The following DCUN1D1 variants were observed in gnomAD, a reference collection of about 807,000 sequenced individuals.
DCUN1D1 encodes the protein defective in cullin neddylation 1 domain containing 1.
DCUN1D1 carries 3 observed loss-of-function variants against 39.0 expected under a neutral mutation model. The ratio of observed to expected loss-of-function variants is 0.08; its 90% CI spans 0.04 to 0.20. The LOEUF (loss-of-function observed/expected upper bound fraction) is 0.20. Among genes scored for constraint, DCUN1D1 ranks in the 10% least tolerant of loss-of-function variants. DCUN1D1 has a pLI of 1.00. For missense variants in DCUN1D1, 158 were observed against 302.4 expected, an observed-to-expected ratio of 0.52 and a Z score of 3.54; for synonymous variants, 82 against 96.3, an observed-to-expected ratio of 0.85 and a Z score of 0.87.
At position 182,939,264 on chromosome 3, in the gene DCUN1D1, A is replaced by G. The variant is rs754652635; in HGVS notation, c.*5830T>C. On this transcript the variant is annotated 3_prime_UTR_variant, in exon 7 of 7. Transcript: ENST00000292782. ...AGTCCGCATGCACTGTGGCAGGAAT[A>G]GTTCTAGAAGTACAGCCACTTTGGA... 1.3e-5 allele frequency: 2 copies of G among 152,254 alleles called. No homozygotes were observed. Among genetic ancestry groups the G allele is most frequent in the Admixed American group, 1.3e-4 (2 of 15,282 alleles). The allele number at this position is 152,254 out of a possible 1,614,324, so 9.4% of individuals were successfully genotyped here.
intron 1 of DCUN1D1, among the ~76,000 whole-genome samples, chr3:182,973,419 A>G (rs982688330): frequency 1.3e-5 from 2 of 152,352 alleles, no homozygotes; most frequent in African/African-American, 4.8e-5. Context: ...AATCACAGAC[A>G]AGAGGGTATT....
intron 2 of DCUN1D1, among the ~76,000 whole-genome samples, chr3:182,964,777 A>T (rs1381740540): frequency 2.0e-5 from 3 of 151,036 alleles, no homozygotes; most frequent in Admixed American, 6.6e-5. Flanking sequence ...AGTAGCGGGG[A>T]CTACAGGCAC....
intron 4 of DCUN1D1, chr3:182,951,137 T>G (rs1726710219): frequency 6.6e-6 from 1 of 152,126 alleles, no homozygotes; most frequent in Non-Finnish European, 1.5e-5. Flanking sequence ...GTTCTTTTCT[T>G]TACCAACTCA....
chr3:182,959,937 C>T (rs1462051570), intron 4 of DCUN1D1, among the ~76,000 whole-genome samples: 1 of 152,144 alleles, frequency 6.6e-6, no homozygotes, highest in African/African-American at 2.4e-5. Flanking sequence ...GCTTCCCCTC[C>T]TGTTTGGTCT....
rs1451212434 is a variant in DCUN1D1 at position 182,938,570 on chromosome 3, A to C, written c.*6524T>G. 1 of 152,200 alleles carries C rather than the reference A, an allele frequency of 6.6e-6. No individual in the cohort carries two copies. The highest frequency in any genetic ancestry group is 6.5e-5 in the Admixed American group (1 of 15,272). The allele number at this position is 152,200 out of a possible 1,614,324, so 9.4% of individuals were successfully genotyped here. A position where few individuals can be genotyped will look rare whatever the true frequency, so the allele number is the denominator to read the frequency against. ...GGGTTCAAAGATGAATGGCATTTAG[A>C]TAAATCAAGATTGGCCATGGATTGA... On this transcript the variant is annotated 3_prime_UTR_variant, in exon 7 of 7. Transcript: ENST00000292782.
At chr3:182,952,331 C>T (rs990000669) in intron 4 of DCUN1D1, among the ~76,000 whole-genome samples, 4 of 152,166 alleles carry the variant, frequency 2.6e-5, no homozygotes, top group Non-Finnish European at 5.9e-5. Flanking sequence ...TTTGTAACAA[C>T]GTGTGTCAAC....
At chr3:182,980,682 C>G, upstream of DCUN1D1, 1 of 636,206 alleles carries the variant, frequency 1.6e-6, no homozygotes, top group Non-Finnish European at 2.0e-6. Context: ...GGGCGCCCCG[C>G]GCGGGGCTTC....
chr3:182,961,033 T>C (rs1052988562), intron 4 of DCUN1D1, among the ~76,000 whole-genome samples, 193 bp downstream of exon 4: 2 of 152,320 alleles, frequency 1.3e-5, no homozygotes, highest in Admixed American at 6.5e-5. Context: ...GGTTCACATA[T>C]AGTACCCAGG....
chr3:182,958,569 G>A (rs944501347), intron 4 of DCUN1D1, among the ~76,000 whole-genome samples: 12 of 152,074 alleles, frequency 7.9e-5, no homozygotes, highest in Non-Finnish European at 1.3e-4. Flanking sequence ...GAATCTTTTT[G>A]AAGGGTGCAG....
At chr3:182,983,378 A>G (rs765189796), upstream of DCUN1D1, among the ~76,000 whole-genome samples, 1 of 152,160 alleles carries the variant, frequency 6.6e-6, no homozygotes, top group Non-Finnish European at 1.5e-5. Flanking sequence ...CCATCCTACA[A>G]AGGGGAAAAT....
chr3:182,947,737 A>C, intron 4 of DCUN1D1, 105 bp from the exon 5 acceptor site: 1 of 680,622 alleles, frequency 1.5e-6, no homozygotes, highest in African/African-American at 1.9e-5. Flanking sequence ...AAGTCTAAAA[A>C]TAAAAAACTT....
intron 4 of DCUN1D1, among the ~76,000 whole-genome samples, chr3:182,949,206 C>CA (rs1726577549): frequency 1.3e-5 from 2 of 151,524 alleles, no homozygotes; most frequent in Admixed American, 6.6e-5. Context: ...ACTAAAAATA[C>CA]AAAAAAATTA....
intron 1 of DCUN1D1, among the ~76,000 whole-genome samples, chr3:182,977,146 T>G (rs1182439283): frequency 1.3e-5 from 2 of 152,222 alleles, no homozygotes; most frequent in Non-Finnish European, 2.9e-5. Flanking sequence ...GGATTTCATA[T>G]GAGTTAACAG....
Position 182,980,474 on chromosome 3 carries a change from C to G in DCUN1D1, c.3+13G>C, listed in dbSNP as rs764482198. Reference sequence around the variant, plus strand: ...CCAGCCGGCAGGGCGGGCGGGCGGCCGCAGTGCCTCACCATGTTGGTGTCC... The same window carrying G: ...CCAGCCGGCAGGGCGGGCGGGCGGCGGCAGTGCCTCACCATGTTGGTGTCC... On this transcript the variant is annotated intron_variant, in intron 1 of 6. Coordinates refer to ENST00000292782, the MANE Select transcript of DCUN1D1 (RefSeq NM_020640.4). 8.4e-7 allele frequency: 1 copy of G among 1,194,672 alleles called. No homozygotes were observed. Among genetic ancestry groups the G allele is most frequent in the Admixed American group, 3.0e-5 (1 of 32,850 alleles). The allele number at this position is 1,194,672 out of a possible 1,614,324, so 74.0% of individuals were successfully genotyped here.
intron 4 of DCUN1D1, among the ~76,000 whole-genome samples, chr3:182,957,898 A>G (rs1727161364): frequency 1.5e-5 from 2 of 135,718 alleles, no homozygotes; most frequent in South Asian, 4.8e-4. Context: ...CGATTGCACC[A>G]CTGCATTCCA....
rs79572438 is a variant in DCUN1D1 at position 182,939,435 on chromosome 3, A to T, written c.*5659T>A. The T allele has an allele frequency of 6.6e-6, 1 of 152,250 alleles. No individual in the cohort carries two copies. Among genetic ancestry groups the T allele is most frequent in the African/African-American group, 2.4e-5 (1 of 41,468 alleles). 9.4% of individuals were successfully genotyped at this position (152,250 alleles called of 1,614,324 possible). A position where few individuals can be genotyped will look rare whatever the true frequency, so the allele number is the denominator to read the frequency against. On this transcript the variant is annotated 3_prime_UTR_variant, in exon 7 of 7. Transcript: ENST00000292782. ...GCATTATTATTCGCAATTTAAAAAA[A>T]CTAATTGTAGGCCAGCCAAATGTCT...
In DCUN1D1 at chr3:182,975,325, T is replaced by C. The variant is rs7622915; in HGVS notation, c.3+5162A>G. Among the ~76,000 whole-genome samples the C allele has an allele frequency of 6.7e-3, 1,024 of 152,010 alleles. 11 individuals carry two copies. The highest frequency in any genetic ancestry group is 0.022 in the African/African-American group (926 of 41,456). ...CTGAGTAGCTGGGACTACAGGCGCC[T>C]GCTACCACATCCAGCTAATTTTTTG... is the stretch of plus-strand genomic sequence containing the variant. On this transcript the variant is annotated intron_variant, in intron 1 of 6. Transcript: ENST00000292782.
chr3:182,939,614 A>G lies in DCUN1D1; in HGVS notation c.*5480T>C, dbSNP rs184267119. On this transcript the variant is annotated 3_prime_UTR_variant, in exon 7 of 7. Transcript: ENST00000292782. ...ATGCCAGATATAAAAGACTAACTGCATGATTCTACCTCTGTGAAATTTCTA... is the reference window on the plus strand; with the variant it reads ...ATGCCAGATATAAAAGACTAACTGCGTGATTCTACCTCTGTGAAATTTCTA... The G allele has an allele frequency of 5.9e-5, 9 of 152,302 alleles. No homozygotes were observed. In the East Asian group the frequency reaches 1.5e-3, roughly 26 times the overall value. 9.4% of individuals were successfully genotyped at this position (152,302 alleles called of 1,614,324 possible).
chr3:182,955,461 G>T, intron 4 of DCUN1D1: 1 of 540,134 alleles, frequency 1.9e-6, no homozygotes. Context: ...CACGTTATGA[G>T]ATAAGAATCC....
Sources: allele counts gnomAD v4.1 joint callset (sites outside exome capture counted in the v4.1 genomes callset), GRCh38; gene constraint gnomAD v4.1.1; transcripts MANE v1.5; gene names NCBI Gene and HGNC (gene_info 2026-07-23, HGNC 2026-07-21).